Variants in WSCD1 observed in about 807,000 individuals in gnomAD.
WSCD1 encodes the protein sialate:O-sulfotransferase 1.
A neutral mutation model predicts 60.4 loss-of-function variants in WSCD1; 41 were observed. The observed-to-expected ratio is 0.68, with a 90% confidence interval of 0.53 to 0.88. The LOEUF (loss-of-function observed/expected upper bound fraction) is 0.88, where lower values mean the gene tolerates loss of function less well. Ranked by LOEUF, WSCD1 falls within the 40% of genes least tolerant of loss-of-function variation. WSCD1 has a pLI of 0.00. For missense variants in WSCD1, 784 were observed against 796.2 expected (o/e 0.98, Z 0.18); for synonymous variants, 361 against 332.5 (o/e 1.09, Z -0.93).
Position 6,090,317 on chromosome 17 carries a change from G to A in WSCD1, c.543-4G>A. 1.3e-6 allele frequency: 2 copies of A among 1,581,562 alleles called. No homozygotes were observed. Among genetic ancestry groups the A allele is most frequent in the Non-Finnish European group, 8.6e-7 (1 of 1,166,124 alleles). On this transcript the variant is annotated splice_region_variant and splice_polypyrimidine_tract_variant and intron_variant, in intron 3 of 8. Coordinates refer to ENST00000317744, the MANE Select transcript of WSCD1 (RefSeq NM_015253.2). ...CCGGACTCACCCAGGCCTCCTCCCT[G>A]CAGGTCCTATGTCTACGCCGGCTTG...
chr17:6,108,795 C>A (rs1911244677), intron 5 of WSCD1, among the ~76,000 whole-genome samples: 1 of 152,248 alleles, frequency 6.6e-6, no homozygotes, highest in South Asian at 2.1e-4. Flanking sequence ...TGCAGCCTCC[C>A]CAAAGGGGAA....
chr17:6,097,277 G>A (rs1048141007), intron 5 of WSCD1, among the ~76,000 whole-genome samples: 8 of 152,268 alleles, frequency 5.3e-5, no homozygotes, highest in Non-Finnish European at 8.8e-5. Context: ...TTAGTGTTTC[G>A]GACTAGTTTT....
At position 6,090,499 on chromosome 17, in the gene WSCD1, A is replaced by G. The variant is rs760362101; in HGVS notation, c.721A>G (p.Arg241Gly). Reference sequence around the variant, plus strand: ...TGTGGACGAGCTGCAGCCGGGCTCCAGGAAGCGTGAGTGTGCCAGCCTCTT... The same window carrying G: ...TGTGGACGAGCTGCAGCCGGGCTCCGGGAAGCGTGAGTGTGCCAGCCTCTT... ...YRVDELQPGS[R>G]KRRTATYRGC... The change falls in exon 4 of 9, where the codon AGG (arginine) becomes GGG (glycine). Residue 241 changes from arginine to glycine, a missense_variant. Transcript: ENST00000317744. 23 of 1,612,488 alleles carry G rather than the reference A, an allele frequency of 1.4e-5. No homozygotes were observed. Among genetic ancestry groups the G allele is most frequent in the Non-Finnish European group, 1.9e-5 (22 of 1,179,384 alleles).
chr17:6,114,153 T>TG (rs1555529055), intron 7 of WSCD1, among the ~76,000 whole-genome samples: 1 of 125,202 alleles, frequency 8.0e-6, no homozygotes, highest in African/African-American at 3.0e-5. Flanking sequence ...TAGTTAGCCG[T>TG]AAAAAAAAAA....
rs1911365320 is a variant in WSCD1, at chr17:6,110,806, A to G, written c.1045A>G (p.Lys349Glu). 6.2e-7 allele frequency: 1 copy of G among 1,613,816 alleles called. No individual in the cohort carries two copies. Among genetic ancestry groups the G allele is most frequent in the Non-Finnish European group, 8.5e-7 (1 of 1,179,838 alleles). ...TACAGACAGGAGGTTCCTGCCTAAC[A>G]AATCCAAAGTGTTTGTGGCTTTGTC... ...RCTDRRFLPN[K>E]SKVFVALSSF... Residue 349 changes from lysine to glutamate, a missense_variant, in exon 7 of 9, where the codon AAA becomes GAA. Lys to Glu is a moderately conservative substitution (Grantham distance 56). Coordinates refer to ENST00000317744, the MANE Select transcript of WSCD1 (RefSeq NM_015253.2). This position sits in a 1 kb window ranked among gnomAD's most constrained non-coding sequence, Gnocchi z 4.8.
chr17:6,119,923 G>A (rs990953731), intron 8 of WSCD1, among the ~76,000 whole-genome samples: 1 of 152,140 alleles, frequency 6.6e-6, no homozygotes, highest in African/African-American at 2.4e-5. Flanking sequence ...TAGATTACCT[G>A]CAAAAGTCCG....
intron 4 of WSCD1, among the ~76,000 whole-genome samples, chr17:6,090,737 C>T (rs1909981577): frequency 6.6e-6 from 1 of 152,172 alleles, no homozygotes; most frequent in Non-Finnish European, 1.5e-5. Flanking sequence ...TGCCTGTCCC[C>T]TGCAGGAGAG....
chr17:6,109,611 T>C lies in WSCD1; in HGVS notation c.854T>C (p.Phe285Ser). Residue 285 changes from phenylalanine (F) to serine (S), a missense_variant, in exon 6 of 9, where the codon TTC becomes TCC. Coordinates refer to ENST00000317744, the MANE Select transcript of WSCD1 (RefSeq NM_015253.2). ...CTTCTTATCGTTCCCTGGCAGGAGT[T>C]CCCCTTGGCCATTCTCAGGGGCTGG... ...TCSGFCSQKE[F>S]PLAILRGWEC... 1 of 1,613,614 alleles carries C rather than the reference T, an allele frequency of 6.2e-7. No homozygotes were observed. The highest frequency in any genetic ancestry group is 8.5e-7 in the Non-Finnish European group (1 of 1,179,680).
rs964154554 is a variant in WSCD1 at position 6,117,981 on chromosome 17, C to A, written c.1175-7C>A. 2.9e-5 allele frequency: 46 copies of A among 1,612,728 alleles called. No individual in the cohort carries two copies. The highest frequency in any genetic ancestry group is 3.7e-5 in the Non-Finnish European group (44 of 1,179,888). On this transcript the variant is annotated splice_polypyrimidine_tract_variant and splice_region_variant and intron_variant, in intron 7 of 8. Coordinates refer to ENST00000317744, the MANE Select transcript of WSCD1 (RefSeq NM_015253.2). ...TTCCACAGAGACCCTCTCATTTTTCCCTGCAGGGTTCAAGGGCGAAAAGGA... is the reference window on the plus strand; with the variant it reads ...TTCCACAGAGACCCTCTCATTTTTCACTGCAGGGTTCAAGGGCGAAAAGGA...
upstream of WSCD1, among the ~76,000 whole-genome samples, chr17:6,069,558 CTG>C (rs1908396167): frequency 6.6e-6 from 1 of 151,992 alleles, no homozygotes; most frequent in Admixed American, 6.6e-5. Context: ...GGGTTTGTCA[CTG>C]TGTGCGGTGT....
At position 6,120,573 on chromosome 17, in the gene WSCD1, A is replaced by C. The variant is rs1904624143; in HGVS notation, c.1640A>C (p.Asp547Ala). 5 of 1,613,742 alleles carry C rather than the reference A, an allele frequency of 3.1e-6. No homozygotes were observed. Among genetic ancestry groups the C allele is most frequent in the Non-Finnish European group, 4.2e-6 (5 of 1,179,998 alleles). ...GAGCCCTTCACCCCGGAGATGAAAG[A>C]CTTGATCAATGGCTACATCCGGACG... is the stretch of plus-strand genomic sequence containing the variant. ...DPEPFTPEMK[D>A]LINGYIRTVD... is the part of the protein sequence containing the mutation. The change falls in exon 9 of 9, where the codon GAC becomes GCC. Residue 547 changes from aspartate to alanine, a missense_variant. Transcript: ENST00000317744.
rs915994813 is a variant in WSCD1, at chr17:6,120,812, G to A, written c.*151G>A. The stretch of plus-strand genomic sequence containing the variant: ...TGCTGCCTCCCGCACAAGGAGACCT[G>A]GACACAACAGACACACATCACAAGG... On this transcript the variant is annotated 3_prime_UTR_variant, in exon 9 of 9. Transcript: ENST00000317744. 5.3e-6 allele frequency: 4 copies of A among 759,582 alleles called. No homozygotes were observed. The African/African-American group carries it at 7.0e-5, about 13-fold the overall frequency. The allele number at this position is 759,582 out of a possible 1,614,324, so 47.1% of individuals were successfully genotyped here.
chr17:6,082,821 G>A (rs78711921), intron 2 of WSCD1, among the ~76,000 whole-genome samples: 2,416 of 152,268 alleles, frequency 0.016, 78 homozygotes, highest in African/African-American at 0.055. Flanking sequence ...GCCAGGCCTA[G>A]GAGTTTGGCT....
rs796933771 is a variant in WSCD1 at position 6,114,323 on chromosome 17, T to A, written c.1174+3388T>A. 2.6e-4 allele frequency among the ~76,000 whole-genome samples: 40 copies of A among 152,244 alleles called. 1 individual carries two copies. The highest frequency in any genetic ancestry group is 9.4e-4 in the African/African-American group (39 of 41,516). ...GATCTCACTGATGTGGAGAGTAGAA[T>A]AGTGGTCACTAGAGGCTGGGAAGGG... On this transcript the variant is annotated intron_variant, in intron 7 of 8. Transcript: ENST00000317744.
At chr17:6,098,750 G>A (rs112454464) in intron 5 of WSCD1, among the ~76,000 whole-genome samples, 2 of 152,192 alleles carry the variant, frequency 1.3e-5, no homozygotes, top group Non-Finnish European at 2.9e-5. Flanking sequence ...CAGCTTTAAA[G>A]TTTAAAGTGG....
At chr17:6,091,015 C>T (rs1445170533) in intron 4 of WSCD1, among the ~76,000 whole-genome samples, 9 of 152,110 alleles carry the variant, frequency 5.9e-5, no homozygotes, top group African/African-American at 1.7e-4. Flanking sequence ...CTCAGCCTCC[C>T]GAGGAGCTAG....
In WSCD1 at chr17:6,122,502, T is replaced by C. The variant is rs1904774775; in HGVS notation, c.*1841T>C. ...TCTGCGAAGGCCCCTGATGGAGCTA[T>C]TTCTTCCTAGTATCAGGAGCAATTG... On this transcript the variant is annotated 3_prime_UTR_variant, in exon 9 of 9. Transcript: ENST00000317744. 1 of 152,282 alleles carries C rather than the reference T, an allele frequency of 6.6e-6. No homozygotes were observed. Among genetic ancestry groups the C allele is most frequent in the Admixed American group, 6.5e-5 (1 of 15,286 alleles). 9.4% of individuals were successfully genotyped at this position (152,282 alleles called of 1,614,324 possible). A position where few individuals can be genotyped will look rare whatever the true frequency, so the allele number is the denominator to read the frequency against.
At position 6,121,637 on chromosome 17, in the gene WSCD1, G is replaced by C. The variant is rs1904712540; in HGVS notation, c.*976G>C. ...TGGGGACCTGTACACTAGCAGGATG[G>C]GTCTTGGGAGTTGGCATGGGGAGAT... On this transcript the variant is annotated 3_prime_UTR_variant, in exon 9 of 9. Coordinates refer to ENST00000317744, the MANE Select transcript of WSCD1 (RefSeq NM_015253.2). 6.6e-6 allele frequency: 1 copy of C among 152,268 alleles called. No homozygotes were observed. The highest frequency in any genetic ancestry group is 2.4e-5 in the African/African-American group (1 of 41,428). The allele number at this position is 152,268 out of a possible 1,614,324, so 9.4% of individuals were successfully genotyped here. A position where few individuals can be genotyped will look rare whatever the true frequency, so the allele number is the denominator to read the frequency against.
In WSCD1 at chr17:6,117,912, C is replaced by T. The variant is rs2150571897; in HGVS notation, c.1175-76C>T. 4 of 1,490,962 alleles carry T rather than the reference C, an allele frequency of 2.7e-6. No homozygotes were observed. In the East Asian group the frequency reaches 6.8e-5, roughly 25 times the overall value. 92.4% of individuals were successfully genotyped at this position (1,490,962 alleles called of 1,614,324 possible). A position where few individuals can be genotyped will look rare whatever the true frequency, so the allele number is the denominator to read the frequency against. On this transcript the variant is annotated intron_variant, in intron 7 of 8. Coordinates refer to ENST00000317744, the MANE Select transcript of WSCD1 (RefSeq NM_015253.2). ...CTTATGCCCCTGATGCCAGCTTTAC[C>T]CAATCTGTCTGCTGCTATGGTAGGG...
Sources: allele counts gnomAD v4.1 joint callset (sites outside exome capture counted in the v4.1 genomes callset), GRCh38; gene constraint gnomAD v4.1.1; non-coding constraint Gnocchi (gnomAD v3.1); transcripts MANE v1.5; gene names NCBI Gene and HGNC (gene_info 2026-07-23, HGNC 2026-07-21).